HACD1: variants seen among roughly 807,000 people sequenced by gnomAD.
HACD1 encodes the protein very-long-chain (3R)-3-hydroxyacyl-CoA dehydratase 1.
Under a neutral mutation model 32.0 loss-of-function variants are expected in HACD1, and 41 were observed. The observed-to-expected ratio is 1.28, with a 90% CI of 1.00 to 1.66. The LOEUF is 1.66. Among genes scored for constraint, HACD1 ranks in the 40% most tolerant of loss-of-function variants. HACD1 has a pLI of 0.00. For missense variants in HACD1, 396 were observed against 380.1 expected (o/e 1.04, Z -0.35); for synonymous variants, 142 against 139.0 (o/e 1.02, Z -0.15).
At chr10:17,593,054 T>C (rs1833948543) in intron 6 of HACD1, among the ~76,000 whole-genome samples, 1 of 151,650 alleles carries the variant, frequency 6.6e-6, no homozygotes, top group Non-Finnish European at 1.5e-5. Context: ...ATACAAAAAT[T>C]AGGTGGGCAC....
At chr10:17,606,253 T>C (rs1035775948) in intron 1 of HACD1, among the ~76,000 whole-genome samples, 2 of 152,238 alleles carry the variant, frequency 1.3e-5, no homozygotes, top group African/African-American at 2.4e-5. Flanking sequence ...TGCATATAAA[T>C]ATAGCTTATG....
chr10:17,599,214 T>C (rs1222762437), intron 5 of HACD1, 76 bp downstream of exon 5: 193 of 1,564,562 alleles, frequency 1.2e-4, no homozygotes, highest in Admixed American at 2.4e-4. Flanking sequence ...GAAACACGAA[T>C]TTTAATTCTC....
intron 1 of HACD1, among the ~76,000 whole-genome samples, chr10:17,615,084 G>C (rs1833055150): frequency 6.6e-6 from 1 of 152,224 alleles, no homozygotes; most frequent in South Asian, 2.1e-4. Context: ...CTATCACAGA[G>C]GTGAGAGAAT....
intron 1 of HACD1, among the ~76,000 whole-genome samples, chr10:17,608,199 GT>G (rs570376861): frequency 2.0e-5 from 3 of 151,496 alleles, no homozygotes; most frequent in Non-Finnish European, 2.9e-5. Flanking sequence ...CTGTTGTGGG[GT>G]TTTTTTTAGT....
intron 5 of HACD1, among the ~76,000 whole-genome samples, chr10:17,596,763 G>C (rs1245760150): frequency 1.3e-5 from 2 of 151,678 alleles, no homozygotes; most frequent in Non-Finnish European, 2.9e-5. Context: ...TTTTTGAAGG[G>C]AGTGCATTTT....
intron 1 of HACD1, chr10:17,615,866 C>T (rs1554817977): frequency 4.7e-6 from 2 of 426,282 alleles, no homozygotes; most frequent in Non-Finnish European, 9.5e-6. Context: ...ACTCCGGAGG[C>T]CGAGGCAGGA....
At chr10:17,595,728 T>A (rs1833987210) in intron 5 of HACD1, among the ~76,000 whole-genome samples, 1 of 151,988 alleles carries the variant, frequency 6.6e-6, no homozygotes, top group Non-Finnish European at 1.5e-5. Context: ...AAATCATTTT[T>A]CTCTGACTCA....
At position 17,590,426 on chromosome 10, in the gene HACD1, G is replaced by C. The variant is rs781989408; in HGVS notation, c.805C>G (p.His269Asp). 1.9e-6 allele frequency: 3 copies of C among 1,595,666 alleles called. No individual in the cohort carries two copies. Among genetic ancestry groups the C allele is most frequent in the Admixed American group, 3.4e-5 (2 of 58,348 alleles). Residue 269 changes from histidine (H) to aspartate (D), a missense_variant, in exon 7 of 7, where the codon CAT becomes GAT. His to Asp is a moderately conservative substitution (Grantham distance 81). Coordinates refer to ENST00000361271, the MANE Select transcript of HACD1 (RefSeq NM_014241.4). ...YIPLFPQLYF[H>D]MLRQRRKVLH... ...ACCTTTCTTCTTTGACGTAACATAT[G>C]AAAATAGAGTTGTGGAAACACTTCA...
At chr10:17,616,266 A>AAAAT (rs1439618736) in intron 1 of HACD1, among the ~76,000 whole-genome samples, 4 of 152,142 alleles carry the variant, frequency 2.6e-5, no homozygotes, top group Non-Finnish European at 4.4e-5. Flanking sequence ...ACTCCGTCTC[A>AAAAT]AAATAAATAA....
In HACD1 at chr10:17,593,488, G is replaced by C. The variant is rs551309517; in HGVS notation, c.784+717C>G. Among the ~76,000 whole-genome samples the C allele has an allele frequency of 9.7e-4, 148 of 152,226 alleles. 1 individual carries two copies. The highest frequency in any genetic ancestry group is 3.4e-3 in the African/African-American group (141 of 41,554). On this transcript the variant is annotated intron_variant, in intron 6 of 6. Coordinates refer to ENST00000361271, the MANE Select transcript of HACD1 (RefSeq NM_014241.4). Reference sequence around the variant, plus strand: ...GCGCCACCATGCCCAGTTAATTTCTGTATTTTAGTAGAGACAGGGTTTTGC... The same window carrying C: ...GCGCCACCATGCCCAGTTAATTTCTCTATTTTAGTAGAGACAGGGTTTTGC...
chr10:17,596,734 C>G (rs912626069), intron 5 of HACD1, among the ~76,000 whole-genome samples: 34 of 151,808 alleles, frequency 2.2e-4, no homozygotes, highest in Non-Finnish European at 5.9e-5. Flanking sequence ...TTGAAGGTTC[C>G]CAATTACTAT....
chr10:17,599,067 A>T, intron 5 of HACD1: 1 of 840,376 alleles, frequency 1.2e-6, no homozygotes, highest in Non-Finnish European at 1.6e-6. Context: ...AATTTGTCTC[A>T]CATTGATTTC....
At chr10:17,597,039 T>C (rs956681161) in intron 5 of HACD1, among the ~76,000 whole-genome samples, 1 of 152,230 alleles carries the variant, frequency 6.6e-6, no homozygotes, top group East Asian at 1.9e-4. Flanking sequence ...TAAGATCTTT[T>C]TGACATGAAA....
intron 1 of HACD1, among the ~76,000 whole-genome samples, chr10:17,616,813 G>C (rs1554818116): frequency 6.6e-6 from 1 of 152,038 alleles, no homozygotes; most frequent in Non-Finnish European, 1.5e-5. Context: ...CCTCCCCCGC[G>C]GGCCGGCACC....
At chr10:17,603,902 T>G in intron 2 of HACD1, 28 bp downstream of exon 2, 1 of 1,541,836 alleles carries the variant, frequency 6.5e-7, no homozygotes, top group Non-Finnish European at 8.9e-7. Context: ...ATTACAGCAA[T>G]AGAAAAACAG....
chr10:17,601,036 CTTT>C (rs1167513592), intron 4 of HACD1, among the ~76,000 whole-genome samples: 9 of 141,100 alleles, frequency 6.4e-5, no homozygotes, highest in Non-Finnish European at 7.8e-5. Context: ...TTGCCTTGTT[CTTT>C]TTTTTTTTTT....
rs1833911142 is a variant in HACD1, at chr10:17,590,199, G to C, written c.*165C>G. The C allele has an allele frequency of 2.0e-5, 9 of 453,890 alleles. No homozygotes were observed. In the East Asian group the frequency reaches 3.2e-4, roughly 16 times the overall value. The allele number at this position is 453,890 out of a possible 1,614,324, so 28.1% of individuals were successfully genotyped here. A position where few individuals can be genotyped will look rare whatever the true frequency, so the allele number is the denominator to read the frequency against. ...ACAGTTCTTGTAAAAAATAGATCTG[G>C]CACAAGAGGAACACAAATACTGGCA... is the stretch of plus-strand genomic sequence containing the variant. On this transcript the variant is annotated 3_prime_UTR_variant, in exon 7 of 7. Coordinates refer to ENST00000361271, the MANE Select transcript of HACD1 (RefSeq NM_014241.4).
At chr10:17,609,982 C>CA (rs1189308859) in intron 1 of HACD1, among the ~76,000 whole-genome samples, 1,129 of 64,556 alleles carry the variant, frequency 0.017, 18 homozygotes, top group African/African-American at 0.047. Context: ...GACTCCATCT[C>CA]AAAAAAAAAA....
At position 17,599,370 on chromosome 10, in the gene HACD1, C is replaced by A. The variant is rs1554816286; in HGVS notation, c.525G>T (p.Trp175Cys). The change falls in exon 5 of 7, where the codon TGG becomes TGT. Residue 175 changes from tryptophan (W) to cysteine (C), a missense_variant. Coordinates refer to ENST00000361271, the MANE Select transcript of HACD1 (RefSeq NM_014241.4). ...AATAGCGAGTGATCTCTGTCACAGT[C>A]CACGCGACCAGAAAAAGCACCACAC... ...EESVVLFLVA[W>C]TVTEITRYSF... 2 of 1,613,816 alleles carry A rather than the reference C, an allele frequency of 1.2e-6. No homozygotes were observed. Among genetic ancestry groups the A allele is most frequent in the East Asian group, 2.2e-5 (1 of 44,872 alleles).
Sources: gnomAD v4.1 joint callset for allele counts (sites outside exome capture counted in the v4.1 genomes callset) on GRCh38, gnomAD v4.1.1 for gene constraint, MANE v1.5 for transcripts, NCBI Gene and HGNC (gene_info 2026-07-23, HGNC 2026-07-21) for gene names.